The following FAM210B variants were observed in gnomAD, a reference collection of about 807,000 sequenced individuals.
FAM210B encodes the protein family with sequence similarity 210 member B.
In FAM210B, 11 loss-of-function variants were observed where a neutral mutation model predicts 14.9. The observed-to-expected ratio is 0.74, with a 90% CI of 0.46 to 1.22. The LOEUF (loss-of-function observed/expected upper bound fraction) is 1.22. Ranked by LOEUF, FAM210B falls within the 50% of genes most tolerant of loss-of-function variation. The pLI, the probability that FAM210B is intolerant of heterozygous loss-of-function variation, is 0.00. For synonymous variants in FAM210B, 113 were observed against 110.2 expected (o/e 1.03, Z -0.16); for missense variants, 229 against 250.1 (o/e 0.92, Z 0.57).
In FAM210B at chr20:56,365,029, C is replaced by T. The variant is rs184000208; in HGVS notation, c.187-58C>T. On this transcript the variant is annotated intron_variant, in intron 1 of 2. Transcript: ENST00000371384. ...TAACATTGCATGCGTGTATAAAAGC[C>T]GGTAATGACTGCCCGTGCCTGCCCT... The T allele has an allele frequency of 1.1e-4, 171 of 1,526,204 alleles. 1 individual carries two copies. The East Asian group carries it at 2.7e-3, about 24-fold the overall frequency. The allele number at this position is 1,526,204 out of a possible 1,614,324, so 94.5% of individuals were successfully genotyped here. A position where few individuals can be genotyped will look rare whatever the true frequency, so the allele number is the denominator to read the frequency against.
chr20:56,359,002 C>G lies in FAM210B; in HGVS notation c.-4C>G. ...GGCGCGGGTGCTGCGCCTAGCTGCGCACCATGGCCGGGTTGCTGGCGTTGC... is the reference window on the plus strand; with the variant it reads ...GGCGCGGGTGCTGCGCCTAGCTGCGGACCATGGCCGGGTTGCTGGCGTTGC... On this transcript the variant is annotated 5_prime_UTR_variant, in exon 1 of 3. Coordinates refer to ENST00000371384, the MANE Select transcript of FAM210B (RefSeq NM_080821.3). This position sits in a 1 kb window ranked among gnomAD's most constrained non-coding sequence, Gnocchi z 4.3. 7.7e-7 allele frequency: 1 copy of G among 1,298,154 alleles called. No homozygotes were observed. Among genetic ancestry groups the G allele is most frequent in the Non-Finnish European group, 9.8e-7 (1 of 1,018,762 alleles). The allele number at this position is 1,298,154 out of a possible 1,614,324, so 80.4% of individuals were successfully genotyped here. A position where few individuals can be genotyped will look rare whatever the true frequency, so the allele number is the denominator to read the frequency against.
In FAM210B at chr20:56,359,044, G is replaced by A; in HGVS notation, c.39G>A (p.Arg13=). ...GLLALLGPAG[R]VGARVRPRAT... Reference sequence around the variant, plus strand: ...TGGCGTTGCTGGGTCCGGCAGGCAGGGTGGGCGCCCGGGTCCGGCCTCGCG... The same window carrying A: ...TGGCGTTGCTGGGTCCGGCAGGCAGAGTGGGCGCCCGGGTCCGGCCTCGCG... The change falls in exon 1 of 3, where the codon AGG becomes AGA. Residue 13 remains arginine (R), a synonymous_variant. Coordinates refer to ENST00000371384, the MANE Select transcript of FAM210B (RefSeq NM_080821.3). This position sits in a 1 kb window ranked among gnomAD's most constrained non-coding sequence, Gnocchi z 4.3. 7.4e-7 allele frequency: 1 copy of A among 1,351,564 alleles called. No homozygotes were observed. Among genetic ancestry groups the A allele is most frequent in the Non-Finnish European group, 9.6e-7 (1 of 1,046,114 alleles). The allele number at this position is 1,351,564 out of a possible 1,614,324, so 83.7% of individuals were successfully genotyped here. A position where few individuals can be genotyped will look rare whatever the true frequency, so the allele number is the denominator to read the frequency against.
rs1983543946 is a variant in FAM210B at position 56,362,127 on chromosome 20, A to G, written c.186+2936A>G. Among the ~76,000 whole-genome samples the G allele has an allele frequency of 6.6e-6, 1 of 152,174 alleles. No individual in the cohort carries two copies. The highest frequency in any genetic ancestry group is 2.1e-4 in the South Asian group (1 of 4,832). On this transcript the variant is annotated intron_variant, in intron 1 of 2. Coordinates refer to ENST00000371384, the MANE Select transcript of FAM210B (RefSeq NM_080821.3). This position sits in a 1 kb window ranked among gnomAD's most constrained non-coding sequence, Gnocchi z 4.8. ...CAGCCAATATTTTCAAAGTACTCAG[A>G]ACAGTGCCTAGTACAGAATATACAC... is the stretch of plus-strand genomic sequence containing the variant.
chr20:56,365,698 G>A (rs59173918), intron 2 of FAM210B, among the ~76,000 whole-genome samples: 24,853 of 152,074 alleles, frequency 0.16, 2,182 homozygotes, highest in Middle Eastern at 0.21. Flanking sequence ...TAGAGCCAGG[G>A]TTTCACCCTG....
At position 56,368,336 on chromosome 20, in the gene FAM210B, A is replaced by G. The variant is rs1983694123; in HGVS notation, c.*2049A>G. On this transcript the variant is annotated 3_prime_UTR_variant, in exon 3 of 3. Coordinates refer to ENST00000371384, the MANE Select transcript of FAM210B (RefSeq NM_080821.3). ...TCCCTAGTAATGCCTATGCAAAAAA[A>G]AAAAAAGAAAAAAAAGAAAAACTGA... 6.6e-6 allele frequency: 1 copy of G among 152,280 alleles called. No homozygotes were observed. Among genetic ancestry groups the G allele is most frequent in the African/African-American group, 2.4e-5 (1 of 41,242 alleles). 9.4% of individuals were successfully genotyped at this position (152,280 alleles called of 1,614,324 possible). A position where few individuals can be genotyped will look rare whatever the true frequency, so the allele number is the denominator to read the frequency against.
At position 56,366,491 on chromosome 20, in the gene FAM210B, A is replaced by G; in HGVS notation, c.*204A>G. On this transcript the variant is annotated 3_prime_UTR_variant, in exon 3 of 3. Coordinates refer to ENST00000371384, the MANE Select transcript of FAM210B (RefSeq NM_080821.3). ...CTCATAAATTTTGTGAATGCTATTC[A>G]TTATAGGGCTTGTATATATAATCTA... 1 of 577,952 alleles carries G rather than the reference A, an allele frequency of 1.7e-6. No homozygotes were observed. The highest frequency in any genetic ancestry group is 3.1e-6 in the Non-Finnish European group (1 of 327,648). The allele number at this position is 577,952 out of a possible 1,614,324, so 35.8% of individuals were successfully genotyped here. A position where few individuals can be genotyped will look rare whatever the true frequency, so the allele number is the denominator to read the frequency against.
In FAM210B at chr20:56,358,978, G is replaced by C. The variant is rs1600661835; in HGVS notation, c.-28G>C. The C allele has an allele frequency of 1.7e-6, 2 of 1,197,000 alleles. No homozygotes were observed. The highest frequency in any genetic ancestry group is 3.9e-5 in the East Asian group (1 of 25,354). The allele number at this position is 1,197,000 out of a possible 1,614,324, so 74.1% of individuals were successfully genotyped here. ...CCTCCGCCCGCCTCCCGGGTCAGCGGCGCGGGTGCTGCGCCTAGCTGCGCA... is the reference window on the plus strand; with the variant it reads ...CCTCCGCCCGCCTCCCGGGTCAGCGCCGCGGGTGCTGCGCCTAGCTGCGCA... On this transcript the variant is annotated 5_prime_UTR_variant, in exon 1 of 3. Coordinates refer to ENST00000371384, the MANE Select transcript of FAM210B (RefSeq NM_080821.3).
intron 1 of FAM210B, among the ~76,000 whole-genome samples, chr20:56,360,001 C>T (rs1288462818): frequency 2.0e-5 from 3 of 152,242 alleles, no homozygotes; most frequent in Non-Finnish European, 4.4e-5. Context: ...AAAATAGCAC[C>T]TTCCCAGCAA....
At position 56,363,141 on chromosome 20, in the gene FAM210B, G is replaced by A. The variant is rs549314029; in HGVS notation, c.187-1946G>A. On this transcript the variant is annotated intron_variant, in intron 1 of 2. Coordinates refer to ENST00000371384, the MANE Select transcript of FAM210B (RefSeq NM_080821.3). The surrounding 1 kb of genome is among the most constrained non-coding windows in gnomAD (Gnocchi z 4.1). ...ATGACATCTTCCCTCCTCCCCTCCAGAGCCTGGACATTCTGGAAAAGTGTC... is the reference window on the plus strand; with the variant it reads ...ATGACATCTTCCCTCCTCCCCTCCAAAGCCTGGACATTCTGGAAAAGTGTC... 6.6e-6 allele frequency among the ~76,000 whole-genome samples: 1 copy of A among 152,320 alleles called. No individual in the cohort carries two copies. The highest frequency in any genetic ancestry group is 1.9e-4 in the East Asian group (1 of 5,182).
chr20:56,366,984 T>G lies in FAM210B; in HGVS notation c.*697T>G, dbSNP rs1983649714. On this transcript the variant is annotated 3_prime_UTR_variant, in exon 3 of 3. Transcript: ENST00000371384. ...CTGTTTAGGTAAAATATAAAAACCC[T>G]GCCCAGTAGCAGTGGCATCGCTTGG... The G allele has an allele frequency of 1.3e-5, 2 of 152,416 alleles. No homozygotes were observed. Among genetic ancestry groups the G allele is most frequent in the African/African-American group, 4.8e-5 (2 of 41,454 alleles). 9.4% of individuals were successfully genotyped at this position (152,416 alleles called of 1,614,324 possible). A position where few individuals can be genotyped will look rare whatever the true frequency, so the allele number is the denominator to read the frequency against.
At chr20:56,366,017 T>C in intron 2 of FAM210B, 54 bp from the exon 3 acceptor site, 1 of 1,357,082 alleles carries the variant, frequency 7.4e-7, no homozygotes. Flanking sequence ...CAAATCAATT[T>C]CTTCATTTAA....
Position 56,362,487 on chromosome 20 carries a change from C to T in FAM210B, c.187-2600C>T, listed in dbSNP as rs4811693. Among the ~76,000 whole-genome samples the T allele has an allele frequency of 0.12, 18,390 of 152,186 alleles. 2,092 individuals carry two copies. Among genetic ancestry groups the T allele is most frequent in the East Asian group, 0.62 (3,177 of 5,164 alleles). On this transcript the variant is annotated intron_variant, in intron 1 of 2. Coordinates refer to ENST00000371384, the MANE Select transcript of FAM210B (RefSeq NM_080821.3). The surrounding 1 kb of genome is among the most constrained non-coding windows in gnomAD (Gnocchi z 4.8). The stretch of plus-strand genomic sequence containing the variant: ...AAGAAATGAATGTCTAAAAATTTTC[C>T]ATTGCCTGCAAGTCACGCCCTCATA...
At chr20:56,364,385 C>G in intron 1 of FAM210B, among the ~76,000 whole-genome samples, 1 of 152,340 alleles carries the variant, frequency 6.6e-6, no homozygotes, top group African/African-American at 2.4e-5. Context: ...CACTCTGCTT[C>G]TGTCCTCACA....
Position 56,368,605 on chromosome 20 carries a change from CTG to C in FAM210B, c.*2322_*2323del, listed in dbSNP as rs1189141660. 6.6e-6 allele frequency: 1 copy of C among 152,186 alleles called. No individual in the cohort carries two copies. Among genetic ancestry groups the C allele is most frequent in the East Asian group, 1.9e-4 (1 of 5,200 alleles). The allele number at this position is 152,186 out of a possible 1,614,324, so 9.4% of individuals were successfully genotyped here. A position where few individuals can be genotyped will look rare whatever the true frequency, so the allele number is the denominator to read the frequency against. On this transcript the variant is annotated 3_prime_UTR_variant, in exon 3 of 3. Coordinates refer to ENST00000371384, the MANE Select transcript of FAM210B (RefSeq NM_080821.3). ...TTCACCAGCAAGATGTACAGAACGC[CTG>C]TGTTTACATTGTTTTTATGGAACTA...
intron 2 of FAM210B, 122 bp downstream of exon 2, chr20:56,365,384 G>C: frequency 2.9e-6 from 3 of 1,028,340 alleles, no homozygotes; most frequent in Non-Finnish European, 4.2e-6. Flanking sequence ...GCCCAGGCTG[G>C]AGTGCAGTGG....
intron 1 of FAM210B, 112 bp from the exon 2 acceptor site, chr20:56,364,975 A>G: frequency 9.6e-7 from 1 of 1,043,378 alleles, no homozygotes; most frequent in Non-Finnish European, 1.3e-6. Flanking sequence ...GAAAGGGGTA[A>G]CTGATCTCTC....
chr20:56,366,406 G>A lies in FAM210B; in HGVS notation c.*119G>A, dbSNP rs533187292. On this transcript the variant is annotated 3_prime_UTR_variant, in exon 3 of 3. Transcript: ENST00000371384. ...GGAGAGGTAGGGGGCTAATTGCTAT[G>A]TTCTCATGGATAAACTTTGCCAGCA... The A allele has an allele frequency of 5.6e-6, 5 of 894,662 alleles. No homozygotes were observed. In the Admixed American group the frequency reaches 8.3e-5, roughly 15 times the overall value. The allele number at this position is 894,662 out of a possible 1,614,324, so 55.4% of individuals were successfully genotyped here. A position where few individuals can be genotyped will look rare whatever the true frequency, so the allele number is the denominator to read the frequency against.
intron 2 of FAM210B, among the ~76,000 whole-genome samples, chr20:56,365,684 T>C (rs373916045): frequency 6.6e-6 from 1 of 152,210 alleles, no homozygotes; most frequent in African/African-American, 2.4e-5. Context: ...TTTTGTCTTT[T>C]TAGTAGAGCC....
At chr20:56,360,533 A>C in intron 1 of FAM210B, 1 of 211,648 alleles carries the variant, frequency 4.7e-6, no homozygotes, top group African/African-American at 2.3e-5. Flanking sequence ...GTTGACTTTG[A>C]TCAAATTCCC....
Sources: allele counts gnomAD v4.1 joint callset (sites outside exome capture counted in the v4.1 genomes callset), GRCh38; gene constraint gnomAD v4.1.1; non-coding constraint Gnocchi (gnomAD v3.1); transcripts MANE v1.5; gene names NCBI Gene and HGNC (gene_info 2026-07-23, HGNC 2026-07-21).